The following TRIM24 variants were observed in gnomAD, a reference collection of about 807,000 sequenced individuals.
TRIM24 encodes transcription intermediary factor 1-alpha.
A neutral mutation model predicts 123.9 loss-of-function variants in TRIM24; 29 were observed. The observed-to-expected ratio is 0.23, with a 90% CI of 0.17 to 0.32. TRIM24 has a LOEUF of 0.32. Ranked by LOEUF, TRIM24 falls within the 10% of genes least tolerant of loss-of-function variation. The pLI is 1.00. For synonymous variants in TRIM24, 456 were observed against 461.1 expected (o/e 0.99, Z 0.14); for missense variants, 932 against 1,295.3 (o/e 0.72, Z 4.31).
In TRIM24 at chr7:138,462,386, G is replaced by C. The variant is rs1795012602; in HGVS notation, c.364+1474G>C. 6.0e-5 allele frequency among the ~76,000 whole-genome samples: 9 copies of C among 148,962 alleles called. No individual in the cohort carries two copies. In the South Asian group the frequency reaches 2.0e-3, roughly 33 times the overall value. ...GACGGAGTCTCGCTCTGTCGCCCAG[G>C]CTGGAGTGCAGTGGCGCGATCTCGG... On this transcript the variant is annotated intron_variant, in intron 1 of 18. Coordinates refer to ENST00000343526, the MANE Select transcript of TRIM24 (RefSeq NM_015905.3).
rs189031307 is a variant in TRIM24, at chr7:138,497,323, C to T, written c.365-6967C>T. ...GCTCAAGCAATCCTCCCATCTTGGC[C>T]TTCCAAAGTGCCAGTATTACAGGTG... On this transcript the variant is annotated intron_variant, in intron 1 of 18. Coordinates refer to ENST00000343526, the MANE Select transcript of TRIM24 (RefSeq NM_015905.3). Among the ~76,000 whole-genome samples, 639 of 151,310 alleles carry T rather than the reference C, an allele frequency of 4.2e-3. 6 individuals carry two copies. The highest frequency in any genetic ancestry group is 0.015 in the African/African-American group (624 of 41,188).
At chr7:138,561,197 G>A (rs1383659838) in intron 9 of TRIM24, among the ~76,000 whole-genome samples, 1 of 152,198 alleles carries the variant, frequency 6.6e-6, no homozygotes, top group African/African-American at 2.4e-5. Flanking sequence ...TCTGTGGGCA[G>A]AAACTGAGCC....
intron 8 of TRIM24, 128 bp downstream of exon 8, chr7:138,551,308 T>G: frequency 1.2e-6 from 1 of 802,614 alleles, no homozygotes; most frequent in Non-Finnish European, 2.1e-6. Flanking sequence ...TCCTAGCACT[T>G]TGGGATCTCT....
At chr7:138,538,322 T>C (rs1796935908) in intron 6 of TRIM24, among the ~76,000 whole-genome samples, 6 of 152,228 alleles carry the variant, frequency 3.9e-5, no homozygotes. Flanking sequence ...GGACAGTACA[T>C]CTGTTTTATT....
intron 5 of TRIM24, 120 bp from the exon 6 acceptor site, chr7:138,528,996 G>A (rs905791251): frequency 1.8e-5 from 8 of 456,878 alleles, no homozygotes; most frequent in Admixed American, 4.3e-5. Context: ...TAAAGTGAAG[G>A]ACTCAGAAAT....
chr7:138,507,285 A>G (rs1389757492), intron 2 of TRIM24, among the ~76,000 whole-genome samples: 1 of 152,112 alleles, frequency 6.6e-6, no homozygotes, highest in Non-Finnish European at 1.5e-5. Context: ...TGTTTTGTGC[A>G]TACTCTGATA....
At chr7:138,472,257 C>T (rs961964821) in intron 1 of TRIM24, among the ~76,000 whole-genome samples, 3 of 149,086 alleles carry the variant, frequency 2.0e-5, no homozygotes, top group Admixed American at 1.3e-4. Flanking sequence ...TTTAAATGGA[C>T]ATGGAAAGGA....
At chr7:138,508,678 T>C (rs1218032376) in intron 2 of TRIM24, among the ~76,000 whole-genome samples, 104 of 51,272 alleles carry the variant, frequency 2.0e-3, no homozygotes, top group African/African-American at 6.0e-3. Flanking sequence ...TGTGTGTGTG[T>C]GTGTGTGTGT....
At chr7:138,559,308 G>A (rs886172854) in intron 9 of TRIM24, among the ~76,000 whole-genome samples, 3 of 152,110 alleles carry the variant, frequency 2.0e-5, no homozygotes, top group African/African-American at 7.2e-5. Context: ...ACCCTTCTAT[G>A]AGTCCATTTT....
At chr7:138,494,567 G>A (rs969663223) in intron 1 of TRIM24, among the ~76,000 whole-genome samples, 2 of 152,014 alleles carry the variant, frequency 1.3e-5, no homozygotes, top group Non-Finnish European at 2.9e-5. Context: ...GACCCCTTCT[G>A]TGTTTTAAAA....
chr7:138,570,966 C>T lies in TRIM24; in HGVS notation c.1841C>T (p.Pro614Leu), dbSNP rs768440544. 10 of 1,613,998 alleles carry T rather than the reference C, an allele frequency of 6.2e-6. No homozygotes were observed. The highest frequency in any genetic ancestry group is 7.6e-6 in the Non-Finnish European group (9 of 1,179,954). The change falls in exon 11 of 19, where the codon CCA becomes CTA. Residue 614 changes from proline to leucine, a missense_variant. Physicochemically the swap from Pro to Leu is moderately conservative, Grantham distance 98 (BLOSUM62 -3). Coordinates refer to ENST00000343526, the MANE Select transcript of TRIM24 (RefSeq NM_015905.3). The stretch of plus-strand genomic sequence containing the variant: ...TCACCTATGATCGATTTGAGCTCAC[C>T]AGTGGGAGGGTCTTATAATCTTCCC... Reference protein sequence around the residue: ...FGSPMIDLSSPVGGSYNLPSL... With the variant: ...FGSPMIDLSSLVGGSYNLPSL...
chr7:138,491,214 C>T, intron 1 of TRIM24: 1 of 237,620 alleles, frequency 4.2e-6, no homozygotes, highest in Non-Finnish European at 8.6e-6. Context: ...AATTTTTGTT[C>T]CTTGGTTTTG....
chr7:138,564,618 G>C (rs1797497095), intron 9 of TRIM24, among the ~76,000 whole-genome samples: 3 of 152,196 alleles, frequency 2.0e-5, no homozygotes, highest in Admixed American at 2.0e-4. Context: ...GGTCAAGTTT[G>C]AACTACATTT....
At position 138,576,430 on chromosome 7, in the gene TRIM24, T is replaced by C. The variant is rs756078590; in HGVS notation, c.2072T>C (p.Val691Ala). Residue 691 changes from valine to alanine, a missense_variant, in exon 13 of 19, where the codon GTT (valine) becomes GCT (alanine). Physicochemically the swap from Val to Ala is moderately conservative, Grantham distance 64 (BLOSUM62 0). This residue lies in a region of TRIM24 where 527 missense variants were observed against 691.3 expected (regional missense o/e 0.76). Coordinates refer to ENST00000343526, the MANE Select transcript of TRIM24 (RefSeq NM_015905.3). Reference sequence around the variant, plus strand: ...ATACGTTCACCTAGTGCCTCCAGCGTTGGAAGCCGAGGAAGGTAAACTGAC... The same window carrying C: ...ATACGTTCACCTAGTGCCTCCAGCGCTGGAAGCCGAGGAAGGTAAACTGAC... ...PPIRSPSASS[V>A]GSRGSSGSSS... 1.3e-5 allele frequency: 21 copies of C among 1,613,718 alleles called. No homozygotes were observed. In the African/African-American group the frequency reaches 2.4e-4, roughly 18 times the overall value.
chr7:138,528,765 C>A (rs1359982880), intron 5 of TRIM24, among the ~76,000 whole-genome samples: 6 of 86,160 alleles, frequency 7.0e-5, no homozygotes, highest in African/African-American at 2.8e-4. Flanking sequence ...GTTTATAAAT[C>A]CTTTTTGGTC....
chr7:138,526,024 C>A (rs1796600428), intron 5 of TRIM24, among the ~76,000 whole-genome samples: 1 of 152,202 alleles, frequency 6.6e-6, no homozygotes. Flanking sequence ...CACATACTGA[C>A]ATTTAATTTA....
chr7:138,460,563 G>T lies in TRIM24; in HGVS notation c.15G>T (p.Val5=). ...AGGGCAGGACAATGGAGGTGGCGGT[G>T]GAGAAGGCGGTGGCGGCGGCGGCAG... The part of the protein sequence containing the change: MEVA[V]EKAVAAAAAA... Residue 5 remains valine, a synonymous_variant, in exon 1 of 19, where the codon GTG becomes GTT. Transcript: ENST00000343526. 1 of 1,312,126 alleles carries T rather than the reference G, an allele frequency of 7.6e-7. No homozygotes were observed. Among genetic ancestry groups the T allele is most frequent in the Non-Finnish European group, 9.6e-7 (1 of 1,040,874 alleles). The allele number at this position is 1,312,126 out of a possible 1,614,324, so 81.3% of individuals were successfully genotyped here. A position where few individuals can be genotyped will look rare whatever the true frequency, so the allele number is the denominator to read the frequency against.
chr7:138,567,860 T>G (rs1395751248), intron 10 of TRIM24, among the ~76,000 whole-genome samples: 1 of 152,218 alleles, frequency 6.6e-6, no homozygotes, highest in Non-Finnish European at 1.5e-5. Context: ...TGGCCCAATA[T>G]AATCAATGAC....
intron 2 of TRIM24, among the ~76,000 whole-genome samples, chr7:138,511,234 C>T (rs1796278056): frequency 6.6e-6 from 1 of 151,838 alleles, no homozygotes; most frequent in Admixed American, 6.6e-5. Flanking sequence ...GGGCAGCAGG[C>T]TTGTCTTACA....
Sources: gnomAD v4.1 joint callset for allele counts (sites outside exome capture counted in the v4.1 genomes callset) on GRCh38, gnomAD v4.1.1 for gene constraint, gnomAD v4.1.1 regional missense constraint, MANE v1.5 for transcripts, NCBI Gene and HGNC (gene_info 2026-07-23, HGNC 2026-07-21) for gene names.